MYCBP2: variants seen among roughly 807,000 people sequenced by gnomAD.
MYCBP2 encodes E3 ubiquitin-protein ligase MYCBP2.
Under a neutral mutation model 525.3 loss-of-function variants are expected in MYCBP2, and 120 were observed. The ratio of observed to expected loss-of-function variants is 0.23; its 90% confidence interval spans 0.20 to 0.27. The LOEUF (loss-of-function observed/expected upper bound fraction) is 0.27. MYCBP2 is among the 10% of genes least tolerant of loss of function. The pLI, the probability that MYCBP2 is intolerant of heterozygous loss-of-function variation, is 1.00. For synonymous variants in MYCBP2, 1,894 were observed against 1,955.8 expected (o/e 0.97, Z 0.83); for missense variants, 4,149 against 5,657.1 (o/e 0.73, Z 8.55).
At chr13:77,261,693 T>C (rs893015650) in intron 11 of MYCBP2, among the ~76,000 whole-genome samples, 3 of 151,814 alleles carry the variant, frequency 2.0e-5, no homozygotes, top group South Asian at 2.1e-4. Flanking sequence ...GATATAATAA[T>C]AATAAAGAAG....
At position 77,081,855 on chromosome 13, in the gene MYCBP2, G is replaced by A. The variant is rs772680448; in HGVS notation, c.11175C>T (p.Gly3725=). 1.2e-6 allele frequency: 2 copies of A among 1,613,108 alleles called. No individual in the cohort carries two copies. The highest frequency in any genetic ancestry group is 2.2e-5 in the South Asian group (2 of 90,836). Residue 3725 remains glycine (G), a synonymous_variant, in exon 64 of 83, where the codon GGC becomes GGT. Coordinates refer to ENST00000544440, the MANE Select transcript of MYCBP2 (RefSeq NM_015057.5). The surrounding 1 kb of genome is among the most constrained non-coding windows in gnomAD (Gnocchi z 4.6). Reference sequence around the variant, plus strand: ...GACTGACCTGACTCATAGCTTCAAAGCCAGACTGTATACTGATGCTAAAAC... The same window carrying A: ...GACTGACCTGACTCATAGCTTCAAAACCAGACTGTATACTGATGCTAAAAC... ...EESFSISIQS[G]FEAMSQELCI...
At position 77,069,174 on chromosome 13, in the gene MYCBP2, T is replaced by G. The variant is rs1414175075; in HGVS notation, c.11905-343A>C. On this transcript the variant is annotated intron_variant, in intron 69 of 82. Coordinates refer to ENST00000544440, the MANE Select transcript of MYCBP2 (RefSeq NM_015057.5). ...TTTTTCTCATGGTTTACCATTATGT[T>G]CATAAGGTGCTTTATAGCTGATAAG... Among the ~76,000 whole-genome samples the G allele has an allele frequency of 2.0e-5, 3 of 152,352 alleles. No homozygotes were observed. In the East Asian group the frequency reaches 5.8e-4, roughly 29 times the overall value.
chr13:77,180,068 A>T (rs993895100), intron 34 of MYCBP2, 59 bp downstream of exon 34: 1 of 1,375,358 alleles, frequency 7.3e-7, no homozygotes, highest in Non-Finnish European at 9.9e-7. Flanking sequence ...TGAAAAAAGA[A>T]ACTGTGTAAA....
chr13:77,176,390 C>T (rs1409990503), intron 36 of MYCBP2, 107 bp downstream of exon 36: 5 of 934,674 alleles, frequency 5.3e-6, no homozygotes, highest in Non-Finnish European at 7.4e-6. Flanking sequence ...TAAAGGATAA[C>T]TTACAAATAG....
intron 30 of MYCBP2, 122 bp downstream of exon 30, chr13:77,188,829 A>G (rs1415205264): frequency 1.8e-6 from 1 of 568,308 alleles, no homozygotes; most frequent in African/African-American, 2.0e-5. Context: ...TGTGAATACA[A>G]AACCAAATCT....
chr13:77,095,725 A>G, intron 57 of MYCBP2, 123 bp from the exon 58 acceptor site: 1 of 1,198,934 alleles, frequency 8.3e-7, no homozygotes, highest in Non-Finnish European at 1.1e-6. Flanking sequence ...TTTTAAGATA[A>G]TAAGATTATA....
chr13:77,162,654 C>A (rs933490192), intron 43 of MYCBP2, among the ~76,000 whole-genome samples: 3 of 152,058 alleles, frequency 2.0e-5, no homozygotes, highest in African/African-American at 7.2e-5. Context: ...CACACATAAA[C>A]ATACTCTTTT....
At chr13:77,266,755 A>AAAAAAAC (rs1161388350) in intron 8 of MYCBP2, among the ~76,000 whole-genome samples, 1 of 149,790 alleles carries the variant, frequency 6.7e-6, no homozygotes, top group African/African-American at 2.5e-5. Context: ...TGAAAAAAAA[A>AAAAAAAC]AAAAAAAAAA....
In MYCBP2 at chr13:77,103,139, C is replaced by T. The variant is rs7999635; in HGVS notation, c.8141-4126G>A. 470 of 396,084 alleles carry T rather than the reference C, an allele frequency of 1.2e-3. 7 individuals carry two copies. Among genetic ancestry groups the T allele is most frequent in the African/African-American group, 8.6e-3 (417 of 48,508 alleles). The allele number at this position is 396,084 out of a possible 1,614,324, so 24.5% of individuals were successfully genotyped here. A position where few individuals can be genotyped will look rare whatever the true frequency, so the allele number is the denominator to read the frequency against. ...ATGGCATGAACATGACTGAGACGAA[C>T]GGAAACATCTTTAATGACACTCCTT... On this transcript the variant is annotated intron_variant, in intron 55 of 82. Transcript: ENST00000544440.
chr13:77,140,424 G>T (rs528908833), intron 50 of MYCBP2, among the ~76,000 whole-genome samples: 1 of 152,148 alleles, frequency 6.6e-6, no homozygotes, highest in African/African-American at 2.4e-5. Context: ...CTGAAGATAC[G>T]TGTTAAGAAG....
At position 77,098,787 on chromosome 13, in the gene MYCBP2, G is replaced by A. The variant is rs1318072462; in HGVS notation, c.8367C>T (p.Ser2789=). 5 of 1,613,326 alleles carry A rather than the reference G, an allele frequency of 3.1e-6. No individual in the cohort carries two copies. Among genetic ancestry groups the A allele is most frequent in the East Asian group, 4.5e-5 (2 of 44,870 alleles). Residue 2789 remains serine, a synonymous_variant, in exon 56 of 83, where the codon TCC becomes TCT. Coordinates refer to ENST00000544440, the MANE Select transcript of MYCBP2 (RefSeq NM_015057.5). ...ATGTCTGCAAGGTGTTATGGTTGGG[G>A]GATAATGACCTACTGTGGGAATCTG... ...LRSDSHSRSL[S]PNHNTLQTLK...
Position 77,121,440 on chromosome 13 carries a change from C to T in MYCBP2, c.8073G>A (p.Val2691=). Residue 2691 remains valine (V), a synonymous_variant, in exon 55 of 83, where the codon GTG becomes GTA. Coordinates refer to ENST00000544440, the MANE Select transcript of MYCBP2 (RefSeq NM_015057.5). ...AACTTGCCCCTTTATTAAAAGCTTG[C>T]ACTGAGAAAGGGCTTGGAGGAGGAG... ...SQTPPPSPFS[V]QAFNKGASCS... The T allele has an allele frequency of 6.3e-7, 1 of 1,595,662 alleles. No individual in the cohort carries two copies.
In MYCBP2 at chr13:77,310,098, G is replaced by A. The variant is rs533917371; in HGVS notation, c.303-13424C>T. Among the ~76,000 whole-genome samples the A allele has an allele frequency of 1.7e-3, 254 of 152,230 alleles. 4 individuals are homozygous for A. The highest frequency in any genetic ancestry group is 5.4e-3 in the African/African-American group (225 of 41,532). ...CTGCACTCCAGCCTGGCAACGGAGT[G>A]AGACTCCGTCTCAGAAAAACAGACA... On this transcript the variant is annotated intron_variant, in intron 1 of 82. Transcript: ENST00000544440.
intron 1 of MYCBP2, among the ~76,000 whole-genome samples, chr13:77,318,698 G>A (rs1009372216): frequency 6.6e-6 from 1 of 152,186 alleles, no homozygotes; most frequent in Admixed American, 6.5e-5. Flanking sequence ...AGGTTGCAGT[G>A]AGCCGAGATC....
intron 3 of MYCBP2, among the ~76,000 whole-genome samples, chr13:77,287,633 T>C (rs919539656): frequency 1.3e-5 from 2 of 151,294 alleles, no homozygotes; most frequent in Non-Finnish European, 2.9e-5. Context: ...ATATCAAGAG[T>C]ACAATTATAA....
intron 3 of MYCBP2, among the ~76,000 whole-genome samples, chr13:77,287,073 C>G (rs539810959): frequency 1.2e-3 from 187 of 150,336 alleles, no homozygotes; most frequent in Non-Finnish European, 2.0e-3. Context: ...GTTTTTAGTA[C>G]AGACGGGGTT....
In MYCBP2 at chr13:77,125,352, G is replaced by A. The variant is rs1276282819; in HGVS notation, c.8001C>T (p.Tyr2667=). Residue 2667 remains tyrosine, a synonymous_variant, in exon 54 of 83, where the codon TAC becomes TAT. Coordinates refer to ENST00000544440, the MANE Select transcript of MYCBP2 (RefSeq NM_015057.5). ...CCAACTTGCCATCTTCATGTCGGAG[G>A]TACTGGTTTCCGCCTCTGTCTCTAG... ...SLARDRGGNQ[Y]LRHEDEQALL... is the part of the protein sequence containing the mutation. 26 of 1,613,576 alleles carry A rather than the reference G, an allele frequency of 1.6e-5. No homozygotes were observed. Among genetic ancestry groups the A allele is most frequent in the Non-Finnish European group, 2.2e-5 (26 of 1,179,740 alleles).
rs774001762 is a variant in MYCBP2 at position 77,097,402 on chromosome 13, G to A, written c.9752C>T (p.Pro3251Leu). 1.2e-6 allele frequency: 2 copies of A among 1,610,666 alleles called. No individual in the cohort carries two copies. The highest frequency in any genetic ancestry group is 1.3e-5 in the African/African-American group (1 of 74,610). ...AGCTTGTCTCATGTGATAGGTCACC[G>A]GGTATGGATGTGACTCCCCACACAG... ...CELCGESHPY[P>L]VTYHMRQAHP... The change falls in exon 56 of 83, where the codon CCG becomes CTG. Residue 3251 changes from proline to leucine, a missense_variant. Transcript: ENST00000544440.
Position 77,087,503 on chromosome 13 carries a change from CTTGTT to C in MYCBP2, c.10851_10855del (p.Thr3618GlnfsTer14), listed in dbSNP as rs1197998779. 1.2e-6 allele frequency: 2 copies of C among 1,611,052 alleles called. No homozygotes were observed. Among genetic ancestry groups the C allele is most frequent in the African/African-American group, 2.7e-5 (2 of 74,916 alleles). Reference sequence around the variant, plus strand: ...ATTTACTTGTTCTGAATTTTCTTTGCTTGTTTTATTTTCTTCATCCTCTTCTTCCT... The same window carrying C: ...ATTTACTTGTTCTGAATTTTCTTTGCTTATTTTCTTCATCCTCTTCTTCCT... On this transcript the variant is annotated frameshift_variant, in exon 62 of 83. Coordinates refer to ENST00000544440, the MANE Select transcript of MYCBP2 (RefSeq NM_015057.5). LOFTEE classifies it high-confidence loss of function.
Sources: allele counts gnomAD v4.1 joint callset (sites outside exome capture counted in the v4.1 genomes callset), GRCh38; gene constraint gnomAD v4.1.1; non-coding constraint Gnocchi (gnomAD v3.1); transcripts MANE v1.5; gene names NCBI Gene and HGNC (gene_info 2026-07-23, HGNC 2026-07-21).